The following COL4A3 variants were observed in gnomAD, a reference collection of about 807,000 sequenced individuals.
COL4A3 encodes the protein collagen type IV alpha 3 chain, also known as collagen alpha-3(IV) chain.
Under a neutral mutation model 217.4 loss-of-function variants are expected in COL4A3, and 135 were observed. The ratio of observed to expected loss-of-function variants is 0.62; its 90% CI spans 0.54 to 0.72. The LOEUF (loss-of-function observed/expected upper bound fraction) is 0.72. Ranked by LOEUF, COL4A3 falls within the 30% of genes least tolerant of loss-of-function variation. The probability of loss-of-function intolerance (pLI) is 0.00; values close to 1 mark genes in which losing one functional copy is unlikely to be tolerated. For synonymous variants in COL4A3, 690 were observed against 736.3 expected (o/e 0.94, Z 1.02); for missense variants, 1,868 against 2,119.9 (o/e 0.88, Z 2.33).
intron 1 of COL4A3, among the ~76,000 whole-genome samples, chr2:227,206,372 C>A (rs2067101775): frequency 6.6e-6 from 1 of 152,130 alleles, no homozygotes; most frequent in Non-Finnish European, 1.5e-5. Context: ...TGTGCCCCGC[C>A]CCCTCAGGTG....
At chr2:227,303,242 G>A (rs940252176) in intron 44 of COL4A3, 132 bp downstream of exon 44, 5 of 741,880 alleles carry the variant, frequency 6.7e-6, no homozygotes, top group Non-Finnish European at 1.2e-5. Flanking sequence ...GAGTGAAGTA[G>A]GAAGGCTCCA....
chr2:227,202,597 C>T (rs527600664), intron 1 of COL4A3, among the ~76,000 whole-genome samples: 18 of 151,046 alleles, frequency 1.2e-4, no homozygotes, highest in South Asian at 4.2e-4. Context: ...TAGCCGGGCG[C>T]GGTGGCGGGC....
chr2:227,227,625 A>G (rs1392990086), intron 1 of COL4A3: 1 of 152,114 alleles, frequency 6.6e-6, no homozygotes, highest in Non-Finnish European at 1.5e-5. Flanking sequence ...CCCACTCCCC[A>G]TGTTCCTTAC....
At chr2:227,311,226 C>T (rs2073727125) in intron 51 of COL4A3, among the ~76,000 whole-genome samples, 1 of 152,042 alleles carries the variant, frequency 6.6e-6, no homozygotes, top group South Asian at 2.1e-4. Context: ...GTTTTTATTA[C>T]CAAAAAGATG....
chr2:227,291,580 CAAAAAAAAAAAACAAAAAA>C (rs1242409390), intron 37 of COL4A3, among the ~76,000 whole-genome samples: 1 of 31,598 alleles, frequency 3.2e-5, no homozygotes, highest in African/African-American at 6.5e-5. Context: ...AAAAAAAAAA[CAAAAAAAAAAAACAAAAAA>C]AAAAACACTT....
intron 1 of COL4A3, among the ~76,000 whole-genome samples, chr2:227,196,784 G>A (rs62277824): frequency 0.22 from 32,742 of 152,170 alleles, 3,738 homozygotes; most frequent in African/African-American, 0.25. Flanking sequence ...TAGGTAATAT[G>A]TAAAACACAG....
At chr2:227,223,148 C>G (rs970236200) in intron 1 of COL4A3, among the ~76,000 whole-genome samples, 2 of 151,970 alleles carry the variant, frequency 1.3e-5, no homozygotes, top group African/African-American at 4.8e-5. Context: ...TCTGGGGAAC[C>G]CCTGAAACTA....
chr2:227,178,472 T>C (rs974723726), intron 1 of COL4A3, among the ~76,000 whole-genome samples: 2 of 152,210 alleles, frequency 1.3e-5, no homozygotes, highest in African/African-American at 4.8e-5. Context: ...ATTTTTTAAA[T>C]GATTATGTAT....
Position 227,282,295 on chromosome 2 carries a change from TATATA to T in COL4A3, c.2489-69_2489-65del. ...TTAAAAATATATATATATATATATA[TATATA>T]TTTCTGAAGTTAGTAGGGGAAAGCA... On this transcript the variant is annotated intron_variant, in intron 31 of 51. Transcript: ENST00000396578. This position sits in a 1 kb window ranked among gnomAD's most constrained non-coding sequence, Gnocchi z 4.4. The T allele has an allele frequency of 1.3e-6, 1 of 753,700 alleles. No homozygotes were observed. Among genetic ancestry groups the T allele is most frequent in the East Asian group, 4.0e-5 (1 of 24,966 alleles). The allele number at this position is 753,700 out of a possible 1,614,324, so 46.7% of individuals were successfully genotyped here. A position where few individuals can be genotyped will look rare whatever the true frequency, so the allele number is the denominator to read the frequency against.
At chr2:227,286,767 C>A (rs969569417) in intron 34 of COL4A3, among the ~76,000 whole-genome samples, 2 of 152,198 alleles carry the variant, frequency 1.3e-5, no homozygotes, top group African/African-American at 4.8e-5. Flanking sequence ...AAATAAAATT[C>A]TTGGCTTAAA....
chr2:227,216,139 A>T (rs919627231), intron 1 of COL4A3, among the ~76,000 whole-genome samples: 41 of 152,194 alleles, frequency 2.7e-4, no homozygotes, highest in Admixed American at 3.9e-4. Context: ...GATAAAAAGA[A>T]TTCTGGAGAT....
In COL4A3 at chr2:227,297,662, T is replaced by C. The variant is rs144601306; in HGVS notation, c.3566-12T>C. ...GGCATTAAAGAAACTTATTAAGCCT[T>C]CTTCTTTGCAGGAGCCAAAGGAGAC... On this transcript the variant is annotated splice_polypyrimidine_tract_variant and intron_variant, in intron 41 of 51. Transcript: ENST00000396578. The C allele has an allele frequency of 4.4e-6, 7 of 1,601,872 alleles. No individual in the cohort carries two copies. The highest frequency in any genetic ancestry group is 1.9e-4 in the Middle Eastern group (1 of 5,316).
rs987861323 is a variant in COL4A3, at chr2:227,311,082, A to G, written c.4928+134A>G. 11 of 808,580 alleles carry G rather than the reference A, an allele frequency of 1.4e-5. No homozygotes were observed. The African/African-American group carries it at 1.7e-4, about 13-fold the overall frequency. 50.1% of individuals were successfully genotyped at this position (808,580 alleles called of 1,614,324 possible). A position where few individuals can be genotyped will look rare whatever the true frequency, so the allele number is the denominator to read the frequency against. On this transcript the variant is annotated intron_variant, in intron 51 of 51. Coordinates refer to ENST00000396578, the MANE Select transcript of COL4A3 (RefSeq NM_000091.5). ...ATAAAGACAAAATATGGGTTTTGTC[A>G]TCACTAAACACATTTAATATTTGTA... is the stretch of plus-strand genomic sequence containing the variant.
intron 3 of COL4A3, 63 bp from the exon 4 acceptor site, chr2:227,244,257 T>C (rs1213664838): frequency 2.8e-6 from 4 of 1,403,840 alleles, no homozygotes; most frequent in Non-Finnish European, 4.0e-6. Flanking sequence ...GTTTGATGTA[T>C]GGGTTTCTTA....
chr2:227,184,194 A>G (rs1168305274), intron 1 of COL4A3, among the ~76,000 whole-genome samples: 2 of 152,170 alleles, frequency 1.3e-5, no homozygotes, highest in African/African-American at 4.8e-5. Flanking sequence ...GGAGAGAAGT[A>G]CCCTCAGGAT....
chr2:227,218,080 CTATA>C (rs10606625), intron 1 of COL4A3, among the ~76,000 whole-genome samples: 23,904 of 118,304 alleles, frequency 0.2, 2,584 homozygotes, highest in East Asian at 0.53. Flanking sequence ...ATATATATAG[CTATA>C]TATATATATA....
Position 227,282,541 on chromosome 2 carries a change from T to TTG in COL4A3, c.2656+15_2656+16dup. 1 of 1,612,500 alleles carries TTG rather than the reference T, an allele frequency of 6.2e-7. No individual in the cohort carries two copies. The highest frequency in any genetic ancestry group is 1.3e-5 in the African/African-American group (1 of 74,876). On this transcript the variant is annotated intron_variant, in intron 32 of 51. Coordinates refer to ENST00000396578, the MANE Select transcript of COL4A3 (RefSeq NM_000091.5). This position sits in a 1 kb window ranked among gnomAD's most constrained non-coding sequence, Gnocchi z 4.4. ...AATTTTAGGGCCACCAGGTATCCTT[T>TTG]TGTGTGTTTCTATTTTTCTTCTTAT...
intron 25 of COL4A3, 94 bp from the exon 26 acceptor site, chr2:227,272,855 C>T: frequency 7.8e-7 from 1 of 1,287,946 alleles, no homozygotes. Context: ...ATCTCAATGA[C>T]AGCCTAACTG....
chr2:227,242,670 T>C (rs941061059), intron 3 of COL4A3, among the ~76,000 whole-genome samples: 9 of 152,032 alleles, frequency 5.9e-5, no homozygotes, highest in Admixed American at 2.0e-4. Context: ...CACCAAATAT[T>C]AGAACAAAAG....
Sources: gnomAD v4.1 joint callset for allele counts (sites outside exome capture counted in the v4.1 genomes callset) on GRCh38, gnomAD v4.1.1 for gene constraint, Gnocchi (gnomAD v3.1) non-coding constraint, MANE v1.5 for transcripts, NCBI Gene and HGNC (gene_info 2026-07-23, HGNC 2026-07-21) for gene names.